Variants in TNRC6B observed in about 807,000 individuals in gnomAD.
TNRC6B encodes trinucleotide repeat-containing gene 6B protein.
In TNRC6B, 52 loss-of-function variants were observed where a neutral mutation model predicts 203.6. The observed-to-expected ratio is 0.26, with a 90% CI of 0.20 to 0.32. TNRC6B has a LOEUF of 0.32. TNRC6B is among the 10% of genes least tolerant of loss of function. The probability of loss-of-function intolerance (pLI) is 1.00; values close to 1 mark genes in which losing one functional copy is unlikely to be tolerated. For missense variants in TNRC6B, 1,923 were observed against 2,286.2 expected, an observed-to-expected ratio of 0.84 and a Z score of 3.24; for synonymous variants, 838 against 845.7, an observed-to-expected ratio of 0.99 and a Z score of 0.16.
intron 1 of TNRC6B, among the ~76,000 whole-genome samples, chr22:40,063,447 C>T (rs1294662544): frequency 6.6e-6 from 1 of 152,206 alleles, no homozygotes. Context: ...TTCTCCATTT[C>T]TACAAGGAAG....
intron 3 of TNRC6B, among the ~76,000 whole-genome samples, chr22:40,154,260 G>A (rs2068789693): frequency 6.6e-6 from 1 of 151,824 alleles, no homozygotes; most frequent in Admixed American, 6.6e-5. Context: ...TCAGGAGATC[G>A]AGACCATCCT....
intron 1 of TNRC6B, among the ~76,000 whole-genome samples, chr22:40,071,896 C>T (rs1372206686): frequency 3.9e-5 from 6 of 152,172 alleles, no homozygotes; most frequent in Admixed American, 1.3e-4. Context: ...CTTGCTCCAT[C>T]GCCCATGCTG....
intron 1 of TNRC6B, among the ~76,000 whole-genome samples, chr22:40,235,915 C>T (rs192820243): frequency 6.6e-6 from 1 of 152,272 alleles, no homozygotes; most frequent in East Asian, 1.9e-4. Context: ...GAGTCCTTGA[C>T]AAAATTTCAA....
rs1162192483 is a variant in TNRC6B at position 40,325,590 on chromosome 22, C to G, written c.*2349C>G. ...TGCAATTTGAATCACCACCGTGCCC[C>G]TTCCACCACTGTTCCCCATGCAAAA... On this transcript the variant is annotated 3_prime_UTR_variant, in exon 23 of 23. Transcript: ENST00000454349. 6.6e-6 allele frequency: 1 copy of G among 152,590 alleles called. No homozygotes were observed. Among genetic ancestry groups the G allele is most frequent in the Admixed American group, 6.5e-5 (1 of 15,290 alleles). 9.5% of individuals were successfully genotyped at this position (152,590 alleles called of 1,614,324 possible). A position where few individuals can be genotyped will look rare whatever the true frequency, so the allele number is the denominator to read the frequency against.
At chr22:40,128,977 AAAAT>A (rs944879275) in intron 3 of TNRC6B, among the ~76,000 whole-genome samples, 13 of 152,238 alleles carry the variant, frequency 8.5e-5, no homozygotes, top group Admixed American at 2.6e-4. Flanking sequence ...TACTATGAAA[AAAAT>A]AAAGCCATGT....
chr22:40,120,991 T>C (rs1373554761), intron 2 of TNRC6B, among the ~76,000 whole-genome samples: 1 of 152,174 alleles, frequency 6.6e-6, no homozygotes, highest in Non-Finnish European at 1.5e-5. Context: ...TGGTTTCTTC[T>C]TCCAAACACA....
intron 3 of TNRC6B, among the ~76,000 whole-genome samples, chr22:40,126,513 T>C (rs1342301108): frequency 6.6e-6 from 1 of 152,030 alleles, no homozygotes; most frequent in Non-Finnish European, 1.5e-5. Flanking sequence ...GTTTTCTGTT[T>C]CTGTGTTAAT....
At chr22:40,294,392 G>A (rs1472552857) in intron 12 of TNRC6B, among the ~76,000 whole-genome samples, 1 of 152,128 alleles carries the variant, frequency 6.6e-6, no homozygotes, top group African/African-American at 2.4e-5. Flanking sequence ...TCTTCACATG[G>A]CTTTTTCTTC....
At chr22:40,107,385 G>A (rs1198305046) in intron 1 of TNRC6B, among the ~76,000 whole-genome samples, 1 of 152,152 alleles carries the variant, frequency 6.6e-6, no homozygotes, top group Non-Finnish European at 1.5e-5. Context: ...TCAGCAGAAT[G>A]GTTGGTCTTC....
At chr22:40,283,185 C>T (rs944744694) in intron 11 of TNRC6B, among the ~76,000 whole-genome samples, 2 of 152,036 alleles carry the variant, frequency 1.3e-5, no homozygotes, top group Non-Finnish European at 2.9e-5. Flanking sequence ...ACCACAGGCT[C>T]CCGCAACCAC....
At chr22:40,074,096 A>G (rs1427655362) in intron 1 of TNRC6B, among the ~76,000 whole-genome samples, 1 of 149,540 alleles carries the variant, frequency 6.7e-6, no homozygotes, top group Admixed American at 6.6e-5. Flanking sequence ...GCCAGATGTG[A>G]TGGCCTGTGC....
chr22:40,175,143 G>A (rs1200984795), upstream of TNRC6B, among the ~76,000 whole-genome samples: 1 of 152,086 alleles, frequency 6.6e-6, no homozygotes, highest in Non-Finnish European at 1.5e-5. Context: ...CAGATCACGA[G>A]GTCAGGAGTT....
intron 1 of TNRC6B, among the ~76,000 whole-genome samples, chr22:40,182,810 A>G (rs1224953096): frequency 6.6e-6 from 1 of 152,222 alleles, no homozygotes; most frequent in African/African-American, 2.4e-5. Context: ...TTGACTTGAT[A>G]GTCACTTTAT....
At chr22:40,217,530 G>A (rs1286727283) in intron 1 of TNRC6B, among the ~76,000 whole-genome samples, 1 of 152,162 alleles carries the variant, frequency 6.6e-6, no homozygotes, top group Admixed American at 6.5e-5. Context: ...ATGTGACTGT[G>A]TACATTAATT....
intron 2 of TNRC6B, among the ~76,000 whole-genome samples, chr22:40,124,152 A>C (rs2068467746): frequency 6.6e-6 from 1 of 152,124 alleles, no homozygotes; most frequent in African/African-American, 2.4e-5. Context: ...ATATTTTGGT[A>C]ACCCCTTCCC....
intron 2 of TNRC6B, among the ~76,000 whole-genome samples, chr22:40,248,444 C>A (rs1163208439): frequency 6.6e-6 from 1 of 152,170 alleles, no homozygotes; most frequent in South Asian, 2.1e-4. Flanking sequence ...GGATGCCAAA[C>A]AGAGTGATTT....
At chr22:40,210,042 C>A (rs2069540169) in intron 1 of TNRC6B, among the ~76,000 whole-genome samples, 1 of 149,930 alleles carries the variant, frequency 6.7e-6, no homozygotes, top group Non-Finnish European at 1.5e-5. Context: ...AGAGAGAATG[C>A]AGATGTGAAC....
chr22:40,162,082 T>G (rs1042861080), intron 4 of TNRC6B, among the ~76,000 whole-genome samples: 24 of 152,094 alleles, frequency 1.6e-4, no homozygotes, highest in African/African-American at 5.6e-4. Context: ...TTGTTCTAAT[T>G]TTGAAGCCAA....
intron 4 of TNRC6B, 91 bp downstream of exon 4, chr22:40,262,264 T>G (rs2070398603): frequency 8.4e-7 from 1 of 1,190,098 alleles, no homozygotes; most frequent in African/African-American, 1.5e-5. Context: ...GGAAAGCCAT[T>G]CATTATATAA....
Sources: gnomAD v4.1 joint callset for allele counts (sites outside exome capture counted in the v4.1 genomes callset) on GRCh38, gnomAD v4.1.1 for gene constraint, MANE v1.5 for transcripts, NCBI Gene and HGNC (gene_info 2026-07-23, HGNC 2026-07-21) for gene names.